Variants in COL27A1 observed in about 807,000 individuals in gnomAD.
COL27A1 encodes collagen type XXVII alpha 1 chain, also known as collagen alpha-1(XXVII) chain.
COL27A1 carries 106 observed loss-of-function variants against 251.3 expected under a neutral mutation model. The ratio of observed to expected loss-of-function variants is 0.42; its 90% CI spans 0.36 to 0.50. The LOEUF is 0.50. Among genes scored for constraint, COL27A1 ranks in the 20% least tolerant of loss-of-function variants. COL27A1 has a pLI of 0.00. For missense variants in COL27A1, 2,325 were observed against 2,522.8 expected (o/e 0.92, Z 1.68); for synonymous variants, 1,000 against 986.3 (o/e 1.01, Z -0.26).
chr9:114,179,247 C>T (rs1406970072), intron 4 of COL27A1, among the ~76,000 whole-genome samples: 1 of 152,186 alleles, frequency 6.6e-6, no homozygotes, highest in Non-Finnish European at 1.5e-5. Flanking sequence ...CCCTCCAGAC[C>T]TGGCCCTGTG....
At chr9:114,243,745 G>A (rs1832920948) in intron 23 of COL27A1, among the ~76,000 whole-genome samples, 185 bp downstream of exon 23, 1 of 152,040 alleles carries the variant, frequency 6.6e-6, no homozygotes, top group South Asian at 2.1e-4. Context: ...AACTGTGGGG[G>A]ATTGTTCAAG....
chr9:114,311,548 G>GAAAAAAAAAAAAAAAAAAAA lies in COL27A1; in HGVS notation c.*870_*871insAAAAAAAAAAAAAAAAAAAA, dbSNP rs56094843. ...AGGAGGAAAAAAGAAAAGAAAAAAGGAAAAAAAAAAAAAAAAAGCAAAACA... is the reference window on the plus strand; with the variant it reads ...AGGAGGAAAAAAGAAAAGAAAAAAGGAAAAAAAAAAAAAAAAAAAAAAAAAAAAAAAAAAAAAGCAAAACA... On this transcript the variant is annotated 3_prime_UTR_variant, in exon 61 of 61. Transcript: ENST00000356083. 1 of 96,208 alleles carries GAAAAAAAAAAAAAAAAAAAA rather than the reference G, an allele frequency of 1.0e-5. No homozygotes were observed. Among genetic ancestry groups the GAAAAAAAAAAAAAAAAAAAA allele is most frequent in the Non-Finnish European group, 2.4e-5 (1 of 41,932 alleles). 6.0% of individuals were successfully genotyped at this position (96,208 alleles called of 1,614,324 possible).
intron 7 of COL27A1, among the ~76,000 whole-genome samples, chr9:114,203,747 T>A (rs992582939): frequency 6.6e-6 from 1 of 152,024 alleles, no homozygotes; most frequent in African/African-American, 2.4e-5. Flanking sequence ...ATGGGGGGTG[T>A]TGAGTGTGTA....
intron 6 of COL27A1, among the ~76,000 whole-genome samples, chr9:114,195,672 A>C (rs1269733742): frequency 6.6e-6 from 1 of 152,206 alleles, no homozygotes; most frequent in Non-Finnish European, 1.5e-5. Context: ...CATAGTTTTC[A>C]AACGTGGTTT....
intron 19 of COL27A1, among the ~76,000 whole-genome samples, chr9:114,239,726 T>C (rs2135471588): frequency 6.6e-6 from 1 of 152,280 alleles, no homozygotes; most frequent in South Asian, 2.1e-4. Context: ...GTGGCCAAGA[T>C]GTAGGAAGGA....
intron 5 of COL27A1, among the ~76,000 whole-genome samples, chr9:114,191,931 A>G (rs1056829434): frequency 6.6e-5 from 10 of 152,220 alleles, no homozygotes; most frequent in Non-Finnish European, 1.5e-4. Flanking sequence ...ATTAATGCTT[A>G]TCATCATCAC....
chr9:114,240,387 A>T, intron 20 of COL27A1, 47 bp from the exon 21 acceptor site: 1 of 1,605,164 alleles, frequency 6.2e-7, no homozygotes, highest in Non-Finnish European at 8.5e-7. Flanking sequence ...TGCGATGGAG[A>T]TGGAGGTACC....
intron 28 of COL27A1, 148 bp from the exon 29 acceptor site, chr9:114,264,207 A>G: frequency 1.8e-6 from 1 of 568,226 alleles, no homozygotes; most frequent in Non-Finnish European, 3.0e-6. Context: ...TGACCACCTC[A>G]GTGGGGAGTG....
At position 114,275,705 on chromosome 9, in the gene COL27A1, A is replaced by C; in HGVS notation, c.3654A>C (p.Lys1218Asn). The C allele has an allele frequency of 6.5e-7, 1 of 1,550,274 alleles. No individual in the cohort carries two copies. Among genetic ancestry groups the C allele is most frequent in the South Asian group, 1.2e-5 (1 of 83,998 alleles). Residue 1218 changes from lysine (K) to asparagine (N), a missense_variant, in exon 37 of 61, where the codon AAA becomes AAC. Lys to Asn is a moderately conservative substitution (Grantham distance 94). Coordinates refer to ENST00000356083, the MANE Select transcript of COL27A1 (RefSeq NM_032888.4). ...GGCCTGATGGAGAACATGGCGAGAA[A>C]GGCCAGGAAGGGCTGATGGGTGAGG... ...DPGPDGEHGE[K>N]GQEGLMGEDG...
intron 7 of COL27A1, among the ~76,000 whole-genome samples, chr9:114,202,752 T>C (rs1467963392): frequency 6.6e-6 from 1 of 152,114 alleles, no homozygotes; most frequent in Non-Finnish European, 1.5e-5. Context: ...TCCCTCTGCC[T>C]GCACTGCCTT....
intron 35 of COL27A1, among the ~76,000 whole-genome samples, chr9:114,270,014 G>T (rs1484791610): frequency 2.6e-5 from 4 of 152,212 alleles, no homozygotes; most frequent in Non-Finnish European, 5.9e-5. Context: ...GCCTGGTTGA[G>T]GTTCAGCCAG....
chr9:114,166,215 T>C, intron 2 of COL27A1, among the ~76,000 whole-genome samples: 2 of 141,780 alleles, frequency 1.4e-5, no homozygotes, highest in African/African-American at 5.3e-5. Context: ...ATCCATCCAT[T>C]TTTCTATCCA....
chr9:114,298,553 T>C (rs1298974419), intron 49 of COL27A1, among the ~76,000 whole-genome samples: 1 of 152,206 alleles, frequency 6.6e-6, no homozygotes, highest in African/African-American at 2.4e-5. Context: ...AAAGAATTTT[T>C]TTTCAATAAA....
intron 7 of COL27A1, among the ~76,000 whole-genome samples, chr9:114,200,898 G>A (rs1176474198): frequency 6.6e-6 from 1 of 152,188 alleles, no homozygotes; most frequent in East Asian, 1.9e-4. Flanking sequence ...TACAAGGGGA[G>A]CTGAGGCCTT....
chr9:114,179,594 A>T (rs1240961738), intron 4 of COL27A1, among the ~76,000 whole-genome samples: 1 of 152,184 alleles, frequency 6.6e-6, no homozygotes, highest in Non-Finnish European at 1.5e-5. Flanking sequence ...TCCCCTCTGG[A>T]TGGCATGGGC....
At chr9:114,167,004 C>G (rs746079925) in intron 2 of COL27A1, among the ~76,000 whole-genome samples, 4 of 152,134 alleles carry the variant, frequency 2.6e-5, no homozygotes, top group Non-Finnish European at 4.4e-5. Context: ...CTGCTAGAGA[C>G]ACCTCGGGAG....
chr9:114,297,135 T>C (rs1416596439), intron 49 of COL27A1, among the ~76,000 whole-genome samples: 4 of 152,192 alleles, frequency 2.6e-5, no homozygotes, highest in Admixed American at 2.6e-4. Flanking sequence ...GTTGTGACAA[T>C]TACAAGGGTG....
intron 4 of COL27A1, among the ~76,000 whole-genome samples, chr9:114,179,655 T>G (rs1827737960): frequency 6.6e-6 from 1 of 152,220 alleles, no homozygotes; most frequent in Non-Finnish European, 1.5e-5. Context: ...CTGAGCCACA[T>G]GTGCAGGATC....
chr9:114,206,386 T>A, intron 10 of COL27A1, 90 bp downstream of exon 10: 1 of 1,361,292 alleles, frequency 7.3e-7, no homozygotes. Flanking sequence ...GTCAGAGCTA[T>A]AAGGAGAGCC....
Sources: allele counts gnomAD v4.1 joint callset (sites outside exome capture counted in the v4.1 genomes callset), GRCh38; gene constraint gnomAD v4.1.1; transcripts MANE v1.5; gene names NCBI Gene and HGNC (gene_info 2026-07-23, HGNC 2026-07-21).